Variants in SLC9D1 observed in about 807,000 individuals in gnomAD.
SLC9D1 encodes the protein solute carrier family 9 member D1.
the SLC9D1 span, chr13:113,506,074 TAATGAAA>T: frequency 6.0e-6 from 1 of 166,386 alleles, no homozygotes; most frequent in Non-Finnish European, 1.3e-5. Context: ...TCCTGGGTCC[TAATGAAA>T]AGCTGTGTCA....
At chr13:113,497,950 T>C in the SLC9D1 span, among the ~76,000 whole-genome samples, 28,125 of 152,178 alleles carry the variant, frequency 0.18, 3,419 homozygotes, top group African/African-American at 0.35. Flanking sequence ...TGAATTTGAC[T>C]GTGCATTGCA....
chr13:113,506,376 A>G, the SLC9D1 span, among the ~76,000 whole-genome samples: 4 of 75,996 alleles, frequency 5.3e-5, no homozygotes, highest in Non-Finnish European at 9.2e-5. Context: ...GTGGAGGAAG[A>G]AGCTGTTATG....
chr13:113,540,331 T>C, the SLC9D1 span, among the ~76,000 whole-genome samples: 1 of 152,246 alleles, frequency 6.6e-6, no homozygotes, highest in Non-Finnish European at 1.5e-5. Context: ...CCATCGCGGC[T>C]AAACTAATTT....
the SLC9D1 span, chr13:113,530,379 T>C: frequency 6.6e-6 from 1 of 152,210 alleles, no homozygotes; most frequent in African/African-American, 2.4e-5. Flanking sequence ...TTATATATCA[T>C]AGCTGTTAAA....
At chr13:113,540,232 G>A in the SLC9D1 span, among the ~76,000 whole-genome samples, 3 of 152,204 alleles carry the variant, frequency 2.0e-5, no homozygotes, top group East Asian at 1.9e-4. Context: ...GCAGAAGGAC[G>A]TATGTTCCTT....
the SLC9D1 span, among the ~76,000 whole-genome samples, chr13:113,515,846 G>A: frequency 5.5e-5 from 8 of 144,770 alleles, no homozygotes; most frequent in East Asian, 1.2e-3. Flanking sequence ...AGCCGAGATC[G>A]TGCCACTGCA....
the SLC9D1 span, chr13:113,495,862 A>G: frequency 2.5e-6 from 4 of 1,614,228 alleles, no homozygotes; most frequent in Non-Finnish European, 2.5e-6. Flanking sequence ...TTTCAGGTGC[A>G]CACGTTTGAA....
the SLC9D1 span, among the ~76,000 whole-genome samples, chr13:113,515,126 T>C: frequency 6.6e-6 from 1 of 152,206 alleles, no homozygotes; most frequent in Non-Finnish European, 1.5e-5. Flanking sequence ...GAGAACAATT[T>C]TGCAATCAGA....
the SLC9D1 span, chr13:113,498,650 C>T: frequency 3.4e-5 from 24 of 708,188 alleles, no homozygotes; most frequent in Admixed American, 7.1e-4. Flanking sequence ...AAATGCTTCT[C>T]TGTCGTAGAG....
the SLC9D1 span, among the ~76,000 whole-genome samples, chr13:113,538,541 G>A: frequency 2.0e-5 from 3 of 152,222 alleles, no homozygotes; most frequent in Non-Finnish European, 2.9e-5. Context: ...CCGCCGCTCC[G>A]CCGTGCTGAG....
chr13:113,498,187 T>A, the SLC9D1 span, among the ~76,000 whole-genome samples: 18 of 152,256 alleles, frequency 1.2e-4, no homozygotes, highest in Admixed American at 3.3e-4. Flanking sequence ...CAGTTATGTT[T>A]GAATAACTAG....
At chr13:113,498,296 C>T in the SLC9D1 span, 2 of 1,367,520 alleles carry the variant, frequency 1.5e-6, no homozygotes, top group African/African-American at 1.5e-5. Context: ...CATGTCCTAG[C>T]TTATTTCTTA....
At chr13:113,498,401 AAAT>A in the SLC9D1 span, 1 of 1,579,792 alleles carries the variant, frequency 6.3e-7, no homozygotes, top group Non-Finnish European at 8.5e-7. Context: ...AAGCCCTTAA[AAAT>A]ATGCAACATC....
the SLC9D1 span, chr13:113,503,579 G>C: frequency 1.2e-6 from 2 of 1,612,406 alleles, no homozygotes; most frequent in Non-Finnish European, 1.7e-6. Context: ...CTCCAGAAAA[G>C]CTAAGAAAGG....
At chr13:113,510,519 A>C in the SLC9D1 span, 1 of 1,228,038 alleles carries the variant, frequency 8.1e-7, no homozygotes, top group Non-Finnish European at 1.2e-6. Flanking sequence ...GAAAAATTGC[A>C]AAGTCTTATT....
the SLC9D1 span, among the ~76,000 whole-genome samples, chr13:113,536,072 A>C: frequency 1.3e-5 from 2 of 152,228 alleles, no homozygotes; most frequent in African/African-American, 4.8e-5. Context: ...TTAATATATA[A>C]TTATCTCAAA....
At chr13:113,525,225 TGGTC>T in the SLC9D1 span, among the ~76,000 whole-genome samples, 1 of 152,188 alleles carries the variant, frequency 6.6e-6, no homozygotes, top group Non-Finnish European at 1.5e-5. Context: ...TGTACAGCAG[TGGTC>T]GGGTGGGATT....
At chr13:113,518,744 G>A in the SLC9D1 span, among the ~76,000 whole-genome samples, 4 of 152,178 alleles carry the variant, frequency 2.6e-5, no homozygotes, top group African/African-American at 9.7e-5. Flanking sequence ...GACAATATTA[G>A]TTGGGAGGCA....
chr13:113,515,015 GC>G, the SLC9D1 span, among the ~76,000 whole-genome samples: 1 of 152,186 alleles, frequency 6.6e-6, no homozygotes, highest in Non-Finnish European at 1.5e-5. Context: ...ACCGCACCTG[GC>G]CCTGGCAGAC....
Sources: gnomAD v4.1 joint callset for allele counts (sites outside exome capture counted in the v4.1 genomes callset) on GRCh38, gnomAD v4.1.1 for gene constraint, MANE v1.5 for transcripts, NCBI Gene and HGNC (gene_info 2026-07-23, HGNC 2026-07-21) for gene names.